CPNE4: variants seen among roughly 807,000 people sequenced by gnomAD.
CPNE4 encodes the protein copine 4.
Under a neutral mutation model 67.9 loss-of-function variants are expected in CPNE4, and 25 were observed. That is an observed-to-expected ratio of 0.37 (90% CI 0.27 to 0.51). CPNE4 has a LOEUF of 0.51. Among genes scored for constraint, CPNE4 ranks in the 20% least tolerant of loss-of-function variants. CPNE4 has a pLI of 0.93. For synonymous variants in CPNE4, 242 were observed against 244.9 expected (o/e 0.99, Z 0.11); for missense variants, 464 against 690.8 (o/e 0.67, Z 3.68).
chr3:131,764,366 C>T lies in CPNE4; in HGVS notation c.181-40741G>A, dbSNP rs541389868. ...AATAACAGTAGTTATTTTGGGGTGA[C>T]ATCTTTACCTGCTTCTGAAATTTTC... On this transcript the variant is annotated intron_variant, in intron 2 of 15. Transcript: ENST00000429747. Among the ~76,000 whole-genome samples the T allele has an allele frequency of 1.8e-4, 27 of 151,958 alleles. No individual in the cohort carries two copies. In the South Asian group the frequency reaches 5.6e-3, roughly 32 times the overall value.
rs370033923 is a variant in CPNE4 at position 131,555,520 on chromosome 3, C to T, written c.1093G>A (p.Ala365Thr). The change falls in exon 12 of 16, where the codon GCC becomes ACC. Residue 365 changes from alanine to threonine, a missense_variant. Transcript: ENST00000429747. ...ACCGTGTACTCTGGAGGTATCCTGG[C>T]GCCAAACCCAAAGGCAGGGAACATT... is the stretch of plus-strand genomic sequence containing the variant. ...DKMFPAFGFG[A>T]RIPPEYTVSH... The T allele has an allele frequency of 6.8e-6, 11 of 1,612,552 alleles. No homozygotes were observed. Among genetic ancestry groups the T allele is most frequent in the Middle Eastern group, 1.7e-4 (1 of 6,044 alleles).
At chr3:131,931,029 C>T (rs1163757462) in intron 1 of CPNE4, among the ~76,000 whole-genome samples, 1 of 152,074 alleles carries the variant, frequency 6.6e-6, no homozygotes, top group Non-Finnish European at 1.5e-5. Context: ...CTAATTAATG[C>T]ATAGGTCAAT....
chr3:131,537,934 A>ATTCT (rs1390020637), intron 15 of CPNE4, among the ~76,000 whole-genome samples: 2 of 152,128 alleles, frequency 1.3e-5, no homozygotes, highest in Non-Finnish European at 1.5e-5. Flanking sequence ...GGGCTGAATA[A>ATTCT]TTCTTTGTGT....
chr3:131,812,930 A>G (rs2097130906), intron 2 of CPNE4, among the ~76,000 whole-genome samples: 1 of 152,230 alleles, frequency 6.6e-6, no homozygotes, highest in South Asian at 2.1e-4. Context: ...TAGTAATCCT[A>G]TATCTGGGCA....
intron 1 of CPNE4, among the ~76,000 whole-genome samples, chr3:131,946,598 A>G (rs532096892): frequency 6.6e-6 from 1 of 152,198 alleles, no homozygotes; most frequent in South Asian, 2.1e-4. Flanking sequence ...GATTGCTTAA[A>G]TTTTTGTTGT....
chr3:131,891,729 C>A lies in CPNE4; in HGVS notation c.180+13535G>T, dbSNP rs933382237. ...TAAGGATAATAGTCTCCAGCTTTAT[C>A]CACGCTTCTGCAAAGGACATAACCT... On this transcript the variant is annotated intron_variant, in intron 2 of 15. Transcript: ENST00000429747. Among the ~76,000 whole-genome samples, 4 of 152,060 alleles carry A rather than the reference C, an allele frequency of 2.6e-5. No individual in the cohort carries two copies. The East Asian group carries it at 7.7e-4, about 29-fold the overall frequency.
At chr3:131,801,450 G>GTGTA in intron 2 of CPNE4, among the ~76,000 whole-genome samples, 1 of 39,578 alleles carries the variant, frequency 2.5e-5, no homozygotes, top group Non-Finnish European at 6.0e-5. Flanking sequence ...GTGTGTGTGT[G>GTGTA]TGTATATATA....
chr3:131,713,896 TA>T (rs555443563), intron 3 of CPNE4, among the ~76,000 whole-genome samples: 4,735 of 147,820 alleles, frequency 0.032, 84 homozygotes, highest in South Asian at 0.049. Flanking sequence ...AAGACAGCAG[TA>T]AAAAAAAAAA....
At chr3:131,955,032 C>T (rs2071903599) in intron 1 of CPNE4, among the ~76,000 whole-genome samples, 4 of 149,336 alleles carry the variant, frequency 2.7e-5, no homozygotes, top group South Asian at 4.2e-4. Context: ...GAGCACATAA[C>T]CACCAGCTAG....
intron 2 of CPNE4, among the ~76,000 whole-genome samples, chr3:131,859,486 A>G (rs192718754): frequency 6.6e-6 from 1 of 152,220 alleles, no homozygotes; most frequent in African/African-American, 2.4e-5. Context: ...CCTCAAATTT[A>G]GCATCTATCT....
At chr3:131,792,717 A>ATATACATATATACACACG (rs1553772302) in intron 2 of CPNE4, among the ~76,000 whole-genome samples, 4 of 107,894 alleles carry the variant, frequency 3.7e-5, no homozygotes, top group Admixed American at 1.0e-4. Flanking sequence ...ACGTGTATAT[A>ATATACATATATACACACG]TGTATATATA....
At chr3:131,863,487 T>G (rs1163050641) in intron 2 of CPNE4, among the ~76,000 whole-genome samples, 2 of 152,364 alleles carry the variant, frequency 1.3e-5, no homozygotes, top group East Asian at 3.9e-4. Flanking sequence ...ACATGTGTCT[T>G]TTGGCTGCAT....
chr3:131,538,050 T>C (rs757443374), intron 15 of CPNE4, among the ~76,000 whole-genome samples: 5 of 152,224 alleles, frequency 3.3e-5, no homozygotes, highest in Non-Finnish European at 5.9e-5. Flanking sequence ...ATGTCAGATA[T>C]TCCAAAATGT....
chr3:131,892,861 C>T (rs1486531859), intron 2 of CPNE4, among the ~76,000 whole-genome samples: 1 of 151,654 alleles, frequency 6.6e-6, no homozygotes, highest in East Asian at 1.9e-4. Context: ...GGAAATATAG[C>T]TTAGCACCAC....
At chr3:131,552,171 T>C (rs940165453) in intron 13 of CPNE4, among the ~76,000 whole-genome samples, 3 of 151,986 alleles carry the variant, frequency 2.0e-5, no homozygotes, top group African/African-American at 7.2e-5. Context: ...ATTATTATTA[T>C]GGCCCAAGGA....
intron 7 of CPNE4, among the ~76,000 whole-genome samples, chr3:131,607,697 A>C (rs1939587006): frequency 6.6e-6 from 1 of 152,214 alleles, no homozygotes; most frequent in Admixed American, 6.5e-5. Context: ...AAAGAGCATC[A>C]GTACTATGGG....
chr3:131,579,953 T>G (rs1191415852), intron 9 of CPNE4, among the ~76,000 whole-genome samples: 1 of 152,212 alleles, frequency 6.6e-6, no homozygotes, highest in Non-Finnish European at 1.5e-5. Context: ...ATTAACTCCA[T>G]TTTTGAAAGA....
At chr3:131,860,426 A>G (rs1456550732) in intron 2 of CPNE4, among the ~76,000 whole-genome samples, 1 of 152,174 alleles carries the variant, frequency 6.6e-6, no homozygotes, top group Non-Finnish European at 1.5e-5. Context: ...CAACAAAGAA[A>G]TGGCAGGATC....
chr3:131,835,742 G>C (rs2085531192), intron 2 of CPNE4, among the ~76,000 whole-genome samples: 1 of 152,068 alleles, frequency 6.6e-6, no homozygotes, highest in South Asian at 2.1e-4. Context: ...CAAAGGGTCT[G>C]TGCAATGGAG....
Sources: gnomAD v4.1 joint callset for allele counts (sites outside exome capture counted in the v4.1 genomes callset) on GRCh38, gnomAD v4.1.1 for gene constraint, MANE v1.5 for transcripts, NCBI Gene and HGNC (gene_info 2026-07-23, HGNC 2026-07-21) for gene names.